The following C12orf42 variants were observed in gnomAD, a reference collection of about 807,000 sequenced individuals.
C12orf42 encodes uncharacterized protein C12orf42.
A neutral mutation model predicts 21.6 loss-of-function variants in C12orf42; 25 were observed. The ratio of observed to expected loss-of-function variants is 1.16; its 90% CI spans 0.84 to 1.62. The LOEUF is 1.62. Ranked by LOEUF, C12orf42 falls within the 40% of genes most tolerant of loss-of-function variation. The pLI, the probability that C12orf42 is intolerant of heterozygous loss-of-function variation, is 0.00. For synonymous variants in C12orf42, 174 were observed against 175.0 expected, an observed-to-expected ratio of 0.99 and a Z score of 0.05; for missense variants, 483 against 459.3, an observed-to-expected ratio of 1.05 and a Z score of -0.47.
the C12orf42 span, among the ~76,000 whole-genome samples, chr12:103,544,700 C>T: frequency 6.6e-6 from 1 of 152,192 alleles, no homozygotes; most frequent in Non-Finnish European, 1.5e-5. Flanking sequence ...ATTGTTTTGT[C>T]TCTTTGTGCT....
downstream of C12orf42, chr12:103,268,437 T>G (rs1411092833): frequency 6.6e-6 from 1 of 151,962 alleles, no homozygotes; most frequent in East Asian, 1.9e-4. Flanking sequence ...GTCTGTTTTA[T>G]TTTTCCCCGA....
the C12orf42 span, among the ~76,000 whole-genome samples, chr12:103,181,638 A>C: frequency 6.6e-6 from 1 of 152,234 alleles, no homozygotes; most frequent in Non-Finnish European, 1.5e-5. Context: ...CAACGAGGTT[A>C]GTTTTATGTA....
intron 4 of C12orf42, among the ~76,000 whole-genome samples, chr12:103,319,254 C>T (rs964496029): frequency 1.3e-5 from 2 of 152,144 alleles, no homozygotes; most frequent in African/African-American, 2.4e-5. Context: ...AAATGTTTTC[C>T]CCTCATGCTA....
intron 1 of C12orf42, among the ~76,000 whole-genome samples, chr12:103,495,511 G>A (rs1404969208): frequency 3.9e-5 from 6 of 152,168 alleles, no homozygotes; most frequent in Non-Finnish European, 1.5e-5. Context: ...ATCGCTGCGC[G>A]GGGCGCATTG....
At position 103,302,231 on chromosome 12, in the gene C12orf42, G is replaced by C. The variant is rs369942183; in HGVS notation, c.960C>G (p.Thr320=). ...TTATTAACCTCTTGGAGGGGAAATG[G>C]GTGGAAGCACCGGCCAGCAGAGGAA... ...APLPLLAGAS[T]HFPSKRLIKV... The change falls in exon 6 of 6, where the codon ACC becomes ACG. Residue 320 remains threonine, a synonymous_variant. Transcript: ENST00000548883. The C allele has an allele frequency of 1.2e-6, 2 of 1,612,096 alleles. No homozygotes were observed. Among genetic ancestry groups the C allele is most frequent in the South Asian group, 1.1e-5 (1 of 90,774 alleles).
intron 1 of C12orf42, among the ~76,000 whole-genome samples, chr12:103,484,492 C>T (rs1954685064): frequency 6.6e-6 from 1 of 152,138 alleles, no homozygotes; most frequent in South Asian, 2.1e-4. Flanking sequence ...ATCCTTTGCC[C>T]ACTTTTCAAT....
At chr12:103,269,022 G>A (rs896653009) in intron 6 of C12orf42, 1 of 152,126 alleles carries the variant, frequency 6.6e-6, no homozygotes, top group Non-Finnish European at 1.5e-5. Flanking sequence ...TACAAGTACA[G>A]GGCTGCCAGG....
rs140989849 is a variant in C12orf42, at chr12:103,295,911, C to T, written n.338-18701G>A. Among the ~76,000 whole-genome samples, 1,190 of 151,890 alleles carry T rather than the reference C, an allele frequency of 7.8e-3. 14 individuals are homozygous for T. The highest frequency in any genetic ancestry group is 0.021 in the African/African-American group (850 of 41,426). ...TAAGTTCTAGGGTACATGTGCACAA[C>T]GTGCAGGTTTGTTACATATGTATAC... On this transcript the variant is annotated intron_variant and non_coding_transcript_variant, in intron 4 of 6. Transcript: ENST00000546526.
chr12:103,206,776 C>T, the C12orf42 span, among the ~76,000 whole-genome samples: 5 of 152,126 alleles, frequency 3.3e-5, no homozygotes, highest in South Asian at 4.1e-4. Context: ...GTGATACATA[C>T]GTTTCATCCA....
At chr12:103,541,177 T>C in the C12orf42 span, among the ~76,000 whole-genome samples, 108 of 152,354 alleles carry the variant, frequency 7.1e-4, no homozygotes, top group African/African-American at 2.5e-3. Context: ...GTGCTAGGAT[T>C]ACAGATGTGA....
At chr12:103,519,785 A>G in the C12orf42 span, among the ~76,000 whole-genome samples, 3 of 152,058 alleles carry the variant, frequency 2.0e-5, no homozygotes, top group East Asian at 3.9e-4. Flanking sequence ...ACCCACATAC[A>G]TCTCCCCACA....
chr12:103,563,786 T>A, the C12orf42 span, among the ~76,000 whole-genome samples: 2 of 152,188 alleles, frequency 1.3e-5, no homozygotes, highest in Non-Finnish European at 2.9e-5. Flanking sequence ...CGGGCAGAGA[T>A]TGATCCCCAA....
At chr12:103,188,430 C>T in the C12orf42 span, among the ~76,000 whole-genome samples, 2 of 152,224 alleles carry the variant, frequency 1.3e-5, no homozygotes, top group South Asian at 4.2e-4. Flanking sequence ...TCTTTTCTTT[C>T]ACTTGATTTA....
At chr12:103,538,180 A>G in the C12orf42 span, among the ~76,000 whole-genome samples, 1 of 144,048 alleles carries the variant, frequency 6.9e-6, no homozygotes, top group Non-Finnish European at 1.5e-5. Flanking sequence ...GGGAGGTGAG[A>G]AAGTGAAAAT....
chr12:103,394,703 G>C (rs961521135), intron 3 of C12orf42, among the ~76,000 whole-genome samples: 2 of 152,196 alleles, frequency 1.3e-5, no homozygotes, highest in Non-Finnish European at 2.9e-5. Context: ...GCAAGCACTG[G>C]AGGGGTGGCT....
At chr12:103,391,590 C>T (rs1414458852) in intron 3 of C12orf42, among the ~76,000 whole-genome samples, 2 of 151,778 alleles carry the variant, frequency 1.3e-5, no homozygotes, top group South Asian at 2.1e-4. Context: ...AAGTCCTTTG[C>T]CCATTTTTTA....
intron 2 of C12orf42, among the ~76,000 whole-genome samples, chr12:103,473,074 G>A (rs1181063038): frequency 2.0e-5 from 3 of 152,212 alleles, no homozygotes; most frequent in African/African-American, 7.2e-5. Context: ...CACAGAGTCA[G>A]ATGAGAGACA....
chr12:103,407,198 G>C (rs1261795446), intron 2 of C12orf42, among the ~76,000 whole-genome samples: 1 of 152,038 alleles, frequency 6.6e-6, no homozygotes, highest in East Asian at 1.9e-4. Context: ...GATTGCAGAG[G>C]GGGATAGGAT....
chr12:103,336,959 G>C (rs1344507562), intron 4 of C12orf42, among the ~76,000 whole-genome samples: 1 of 152,136 alleles, frequency 6.6e-6, no homozygotes, highest in East Asian at 1.9e-4. Context: ...CCCAGTTTTA[G>C]GTACAACCCT....
Sources: gnomAD v4.1 joint callset for allele counts (sites outside exome capture counted in the v4.1 genomes callset) on GRCh38, gnomAD v4.1.1 for gene constraint, MANE v1.5 for transcripts, NCBI Gene and HGNC (gene_info 2026-07-23, HGNC 2026-07-21) for gene names.